Variants in PRKAR1B observed in about 807,000 individuals in gnomAD.
The protein encoded by PRKAR1B is cAMP-dependent protein kinase type I-beta regulatory subunit.
Under a neutral mutation model 46.5 loss-of-function variants are expected in PRKAR1B, and 22 were observed. That is an observed-to-expected ratio of 0.47 (90% CI 0.34 to 0.68). The LOEUF (loss-of-function observed/expected upper bound fraction) is 0.68. PRKAR1B is among the 30% of genes least tolerant of loss of function. The probability of loss-of-function intolerance (pLI) is 0.01; values close to 1 mark genes in which losing one functional copy is unlikely to be tolerated. For synonymous variants in PRKAR1B, 259 were observed against 217.7 expected (o/e 1.19, Z -1.67); for missense variants, 445 against 535.6 (o/e 0.83, Z 1.67).
chr7:564,553 T>C (rs28537718), intron 9 of PRKAR1B, among the ~76,000 whole-genome samples: 51,293 of 152,072 alleles, frequency 0.34, 8,846 homozygotes, highest in East Asian at 0.4. Flanking sequence ...CCCCACCGCA[T>C]TCAGGCCCTC....
chr7:699,465 G>C (rs1583437449), intron 2 of PRKAR1B, among the ~76,000 whole-genome samples: 1 of 152,124 alleles, frequency 6.6e-6, no homozygotes, highest in African/African-American at 2.4e-5. Context: ...GGAGTGGGCA[G>C]TTACCCCCTC....
In PRKAR1B at chr7:727,234, C is replaced by T. The variant is rs997791435; in HGVS notation, c.-47G>A. ...CCTGGACGACGCTCTGCGCGCGCTGCGCTGCTCCCTGCTCGACCCCTTCGC... is the reference window on the plus strand; with the variant it reads ...CCTGGACGACGCTCTGCGCGCGCTGTGCTGCTCCCTGCTCGACCCCTTCGC... On this transcript the variant is annotated 5_prime_UTR_variant, in exon 1 of 11. Coordinates refer to ENST00000537384, the MANE Select transcript of PRKAR1B (RefSeq NM_001164760.2). The T allele has an allele frequency of 3.7e-6, 5 of 1,362,632 alleles. No individual in the cohort carries two copies. The African/African-American group carries it at 6.1e-5, about 17-fold the overall frequency. The allele number at this position is 1,362,632 out of a possible 1,614,324, so 84.4% of individuals were successfully genotyped here. A position where few individuals can be genotyped will look rare whatever the true frequency, so the allele number is the denominator to read the frequency against.
At chr7:673,867 C>T (rs34920016) in intron 4 of PRKAR1B, among the ~76,000 whole-genome samples, 12,638 of 152,268 alleles carry the variant, frequency 0.083, 672 homozygotes, top group Middle Eastern at 0.2. Flanking sequence ...CACAGGACCA[C>T]GCCCTCCAGA....
At chr7:660,951 T>C (rs1288341734) in intron 4 of PRKAR1B, among the ~76,000 whole-genome samples, 51 of 36,324 alleles carry the variant, frequency 1.4e-3, no homozygotes, top group African/African-American at 1.6e-3. Flanking sequence ...GTCCAAATAC[T>C]TACTCTTCCC....
At chr7:691,832 C>A in intron 2 of PRKAR1B, 1 of 1,178,034 alleles carries the variant, frequency 8.5e-7, no homozygotes, top group Non-Finnish European at 1.1e-6. Flanking sequence ...GCCAAGTAAA[C>A]ACCTCATCAC....
chr7:696,327 A>C, intron 2 of PRKAR1B, among the ~76,000 whole-genome samples: 1 of 150,550 alleles, frequency 6.6e-6, no homozygotes, highest in Admixed American at 6.6e-5. Flanking sequence ...GCTGGAGTGC[A>C]GTGTCGCGAT....
chr7:693,986 C>T (rs767058800), intron 2 of PRKAR1B, among the ~76,000 whole-genome samples: 2 of 152,158 alleles, frequency 1.3e-5, no homozygotes, highest in South Asian at 4.1e-4. Context: ...TTTGCGATAA[C>T]CGCGAGACCT....
chr7:706,905 G>A (rs1780359998), intron 2 of PRKAR1B, among the ~76,000 whole-genome samples: 1 of 152,220 alleles, frequency 6.6e-6, no homozygotes, highest in Non-Finnish European at 1.5e-5. Context: ...TGGGATACAA[G>A]TGAAGAAAAA....
chr7:655,955 C>G (rs923768185), intron 4 of PRKAR1B, among the ~76,000 whole-genome samples: 2 of 152,174 alleles, frequency 1.3e-5, no homozygotes, highest in Non-Finnish European at 2.9e-5. Context: ...TCTGCCCCCG[C>G]GTAAGTGGTT....
chr7:623,416 G>A (rs1035297541), intron 4 of PRKAR1B, among the ~76,000 whole-genome samples: 38 of 152,286 alleles, frequency 2.5e-4, no homozygotes, highest in Admixed American at 4.6e-4. Context: ...GTACTTCCTT[G>A]TAAAATAATC....
chr7:664,364 A>G (rs1018671356), intron 4 of PRKAR1B, among the ~76,000 whole-genome samples: 1 of 152,178 alleles, frequency 6.6e-6, no homozygotes, highest in Non-Finnish European at 1.5e-5. Context: ...CTGCATGAAC[A>G]CAGCCTCTGC....
At chr7:606,405 C>T (rs912628542) in intron 5 of PRKAR1B, among the ~76,000 whole-genome samples, 166 bp from the exon 6 acceptor site, 9 of 152,210 alleles carry the variant, frequency 5.9e-5, no homozygotes, top group African/African-American at 2.2e-4. Context: ...ATTGAGATAA[C>T]TTGTTAAAGA....
At position 691,500 on chromosome 7, in the gene PRKAR1B, C is replaced by T. The variant is rs569456242; in HGVS notation, c.178-10774G>A. The T allele has an allele frequency of 3.6e-4, 469 of 1,304,418 alleles. 5 individuals carry two copies. The South Asian group carries it at 5.5e-3, about 15-fold the overall frequency. 80.8% of individuals were successfully genotyped at this position (1,304,418 alleles called of 1,614,324 possible). ...GCAGGGCCCCCCAGCGCACCACAGC[C>T]ATCCAGGGAGAGCAAATGAAGAGGA... On this transcript the variant is annotated intron_variant, in intron 2 of 10. Coordinates refer to ENST00000537384, the MANE Select transcript of PRKAR1B (RefSeq NM_001164760.2).
Position 551,436 on chromosome 7 carries a change from T to C in PRKAR1B, c.926A>G (p.Asn309Ser), listed in dbSNP as rs545787093. Reference sequence around the variant, plus strand: ...GCGCCCCACCTCCACGTACTCCTCATTGGGGGACCGGCGCTGCAGCACGGA... The same window carrying C: ...GCGCCCCACCTCCACGTACTCCTCACTGGGGGACCGGCGCTGCAGCACGGA... Reference protein sequence around the residue: ...TASVLQRRSPNEEYVEVGRLG... With the variant: ...TASVLQRRSPSEEYVEVGRLG... The change falls in exon 10 of 11, where the codon AAT becomes AGT. Residue 309 changes from asparagine (N) to serine (S), a missense_variant. Physicochemically the swap from Asn to Ser is conservative, Grantham distance 46. Around this residue, in one of 5 missense-constraint regions of PRKAR1B, gnomAD observed 127 missense variants for 138.0 expected, o/e 0.92. Coordinates refer to ENST00000537384, the MANE Select transcript of PRKAR1B (RefSeq NM_001164760.2). 1.1e-5 allele frequency: 17 copies of C among 1,560,362 alleles called. No homozygotes were observed. The highest frequency in any genetic ancestry group is 3.9e-5 in the Admixed American group (2 of 51,632).
intron 2 of PRKAR1B, among the ~76,000 whole-genome samples, chr7:700,794 G>GA (rs1233932031): frequency 6.6e-6 from 1 of 152,128 alleles, no homozygotes; most frequent in African/African-American, 2.4e-5. Context: ...TAAAGTAACA[G>GA]AAAATCTTAA....
intron 2 of PRKAR1B, among the ~76,000 whole-genome samples, chr7:681,322 A>C (rs1189165696): frequency 7.0e-6 from 1 of 142,968 alleles, no homozygotes; most frequent in East Asian, 2.1e-4. Context: ...CCCTGTCTCT[A>C]TAAAAAAAAA....
In PRKAR1B at chr7:644,644, C is replaced by A. The variant is rs1053693329; in HGVS notation, c.440+32585G>T. ...GCCGTTCTCAGCCTCAGCAGCTGAG[C>A]GTCCACCCCCAGGCCTCCGGACAGG... is the stretch of plus-strand genomic sequence containing the variant. On this transcript the variant is annotated intron_variant, in intron 4 of 10. Transcript: ENST00000537384. This position sits in a 1 kb window ranked among gnomAD's most constrained non-coding sequence, Gnocchi z 4.9. 6.6e-6 allele frequency among the ~76,000 whole-genome samples: 1 copy of A among 152,184 alleles called. No individual in the cohort carries two copies. Among genetic ancestry groups the A allele is most frequent in the Non-Finnish European group, 1.5e-5 (1 of 68,018 alleles).
At chr7:664,835 G>C (rs1785815653) in intron 4 of PRKAR1B, among the ~76,000 whole-genome samples, 1 of 152,088 alleles carries the variant, frequency 6.6e-6, no homozygotes, top group Admixed American at 6.6e-5. Context: ...GATCACTTGA[G>C]CCCAGGAAGT....
chr7:717,359 A>G (rs1780918285), intron 1 of PRKAR1B, among the ~76,000 whole-genome samples: 1 of 151,886 alleles, frequency 6.6e-6, no homozygotes, highest in African/African-American at 2.4e-5. Context: ...GAAAAGAGAA[A>G]AGAAAATAAC....
Sources: allele counts gnomAD v4.1 joint callset (sites outside exome capture counted in the v4.1 genomes callset), GRCh38; gene constraint gnomAD v4.1.1; regional missense constraint gnomAD v4.1.1; non-coding constraint Gnocchi (gnomAD v3.1); transcripts MANE v1.5; gene names NCBI Gene and HGNC (gene_info 2026-07-23, HGNC 2026-07-21).